Variants in CRY2 observed in about 807,000 individuals in gnomAD.
The protein encoded by CRY2 is cryptochrome circadian regulator 2.
CRY2 carries 31 observed loss-of-function variants against 69.5 expected under a neutral mutation model. The ratio of observed to expected loss-of-function variants is 0.45; its 90% CI spans 0.34 to 0.60. The LOEUF (loss-of-function observed/expected upper bound fraction) is 0.60. Among genes scored for constraint, CRY2 ranks in the 20% least tolerant of loss-of-function variants. CRY2 has a pLI of 0.02. For synonymous variants in CRY2, 303 were observed against 312.2 expected, an observed-to-expected ratio of 0.97 and a Z score of 0.31; for missense variants, 606 against 797.8, an observed-to-expected ratio of 0.76 and a Z score of 2.90.
intron 1 of CRY2, among the ~76,000 whole-genome samples, chr11:45,853,650 G>A (rs1384612163): frequency 1.3e-5 from 2 of 152,158 alleles, no homozygotes; most frequent in Non-Finnish European, 2.9e-5. Context: ...GGAGGACCCT[G>A]TGTCCTGGGG....
At position 45,847,710 on chromosome 11, in the gene CRY2, G is replaced by C; in HGVS notation, c.215+5G>C. 1 of 1,555,496 alleles carries C rather than the reference G, an allele frequency of 6.4e-7. No individual in the cohort carries two copies. The highest frequency in any genetic ancestry group is 8.7e-7 in the Non-Finnish European group (1 of 1,149,522). ...AGTCGGGATCAACCGATGGAGGTGAGGGGACCCGGGGCTGGGTGGCGGGGA... is the reference window on the plus strand; with the variant it reads ...AGTCGGGATCAACCGATGGAGGTGACGGGACCCGGGGCTGGGTGGCGGGGA... On this transcript the variant is annotated splice_donor_5th_base_variant and intron_variant, in intron 1 of 11. Coordinates refer to ENST00000616080, the MANE Select transcript of CRY2 (RefSeq NM_021117.5).
At chr11:45,850,012 T>G (rs1197657068) in intron 1 of CRY2, among the ~76,000 whole-genome samples, 1 of 151,516 alleles carries the variant, frequency 6.6e-6, no homozygotes, top group Non-Finnish European at 1.5e-5. Context: ...TTTTTTGTTT[T>G]TTTTTTTTTT....
rs1354019199 is a variant in CRY2, at chr11:45,847,558, C to G, written c.68C>G (p.Ser23Cys). The change falls in exon 1 of 12, where the codon TCT (serine) becomes TGT (cysteine). Residue 23 changes from serine (S) to cysteine (C), a missense_variant. This residue lies in a region of CRY2 where 45 missense variants were observed against 35.7 expected (regional missense o/e 1.26). Coordinates refer to ENST00000616080, the MANE Select transcript of CRY2 (RefSeq NM_021117.5). ...CCAGCGCCCGGCACGGACAGCGCCT[C>G]TTCGGTGCACTGGTTCCGCAAAGGG... ...PAPAPGTDSA[S>C]SVHWFRKGLR... is the part of the protein sequence containing the mutation. 3 of 1,595,376 alleles carry G rather than the reference C, an allele frequency of 1.9e-6. No individual in the cohort carries two copies. The African/African-American group carries it at 4.0e-5, about 21-fold the overall frequency.
At chr11:45,878,399 G>A (rs536547672) in intron 11 of CRY2, among the ~76,000 whole-genome samples, 28 of 152,310 alleles carry the variant, frequency 1.8e-4, no homozygotes, top group African/African-American at 6.7e-4. Flanking sequence ...ACCTTTTGTG[G>A]TATATCCTGC....
intron 1 of CRY2, among the ~76,000 whole-genome samples, chr11:45,852,476 G>A (rs2086205321): frequency 6.6e-6 from 1 of 152,214 alleles, no homozygotes. Flanking sequence ...TCACCTGGCA[G>A]GCCTCAAAGG....
At chr11:45,871,944 A>G in intron 10 of CRY2, 148 bp from the exon 11 acceptor site, 1 of 1,154,060 alleles carries the variant, frequency 8.7e-7, no homozygotes, top group Non-Finnish European at 1.2e-6. Flanking sequence ...TGCTGAAAGC[A>G]AGGCCGAGGG....
Position 45,870,548 on chromosome 11 carries a change from C to T in CRY2, c.1549+16C>T, listed in dbSNP as rs376885657. Reference sequence around the variant, plus strand: ...CGGGGACTCTGTAAGGAGACAAACACCTAGCTCACTGAAGGGAAGGACAGC... The same window carrying T: ...CGGGGACTCTGTAAGGAGACAAACATCTAGCTCACTGAAGGGAAGGACAGC... On this transcript the variant is annotated intron_variant, in intron 9 of 11. Transcript: ENST00000616080. 6 of 1,612,736 alleles carry T rather than the reference C, an allele frequency of 3.7e-6. No individual in the cohort carries two copies. In the African/African-American group the frequency reaches 8.0e-5, roughly 22 times the overall value.
rs535808819 is a variant in CRY2 at position 45,882,630 on chromosome 11, G to A, written c.*1719G>A. ...AATGTCCCATCATCGTGGGAGGGGA[G>A]CAGGGCACAGGGGATGGTGTGCATT... On this transcript the variant is annotated 3_prime_UTR_variant, in exon 12 of 12. Transcript: ENST00000616080. 215 of 399,142 alleles carry A rather than the reference G, an allele frequency of 5.4e-4. 2 individuals are homozygous for A. The highest frequency in any genetic ancestry group is 5.1e-3 in the South Asian group (40 of 7,864). 24.7% of individuals were successfully genotyped at this position (399,142 alleles called of 1,614,324 possible). A position where few individuals can be genotyped will look rare whatever the true frequency, so the allele number is the denominator to read the frequency against.
At position 45,866,418 on chromosome 11, in the gene CRY2, A is replaced by T. The variant is rs558539837; in HGVS notation, c.742-1194A>T. The stretch of plus-strand genomic sequence containing the variant: ...GAGGTGGAGCTGATGAAAGACCAAG[A>T]GCGCCAGGCAGCTGGGAGATACCAG... On this transcript the variant is annotated intron_variant, in intron 5 of 11. Transcript: ENST00000616080. Among the ~76,000 whole-genome samples, 5 of 152,314 alleles carry T rather than the reference A, an allele frequency of 3.3e-5. No individual in the cohort carries two copies. In the South Asian group the frequency reaches 1.0e-3, roughly 32 times the overall value.
intron 1 of CRY2, among the ~76,000 whole-genome samples, chr11:45,854,459 G>A (rs529553605): frequency 1.2e-4 from 18 of 152,264 alleles, no homozygotes; most frequent in East Asian, 3.9e-4. Context: ...TGAGGAGGGC[G>A]GATCACTTGA....
chr11:45,858,957 C>A, intron 3 of CRY2, 84 bp downstream of exon 3: 2 of 1,529,740 alleles, frequency 1.3e-6, no homozygotes, highest in Non-Finnish European at 1.8e-6. Flanking sequence ...CAGAGAGGTT[C>A]AGCATTAGGG....
rs758496760 is a variant in CRY2 at position 45,858,454 on chromosome 11, C to T, written c.325-277C>T. Reference sequence around the variant, plus strand: ...TATTTATGGCCTCCTGCTGCATTCTCCTACCTCAAGGACACAGCAAGTGCA... The same window carrying T: ...TATTTATGGCCTCCTGCTGCATTCTTCTACCTCAAGGACACAGCAAGTGCA... On this transcript the variant is annotated intron_variant, in intron 2 of 11. Coordinates refer to ENST00000616080, the MANE Select transcript of CRY2 (RefSeq NM_021117.5). The T allele has an allele frequency of 3.0e-5, 11 of 367,176 alleles. No homozygotes were observed. The Admixed American group carries it at 3.5e-4, about 12-fold the overall frequency. 22.7% of individuals were successfully genotyped at this position (367,176 alleles called of 1,614,324 possible).
At chr11:45,851,346 T>C (rs938706759) in intron 1 of CRY2, among the ~76,000 whole-genome samples, 2 of 152,226 alleles carry the variant, frequency 1.3e-5, no homozygotes, top group African/African-American at 4.8e-5. Context: ...ATATGTTCCC[T>C]CTCAGCCCAT....
chr11:45,867,560 T>A (rs542347501), intron 5 of CRY2, 52 bp from the exon 6 acceptor site: 1 of 1,606,642 alleles, frequency 6.2e-7, no homozygotes, highest in South Asian at 1.1e-5. Context: ...CTCCATTTTT[T>A]CCTCTGTTAC....
rs2086358468 is a variant in CRY2 at position 45,869,568 on chromosome 11, CT to C, written c.946del (p.Tyr316ThrfsTer48). ...GGCAACTCCTATGGCGAGAGTTCTT[CT>C]ACACGGCAGCTACCAACAACCCCAG... is the stretch of plus-strand genomic sequence containing the variant. ...FGQLLWREFF[Y>X]TAATNNPRFD... On this transcript the variant is annotated frameshift_variant, in exon 7 of 12. Coordinates refer to ENST00000616080, the MANE Select transcript of CRY2 (RefSeq NM_021117.5). LOFTEE classifies it high-confidence loss of function. 1 of 1,614,118 alleles carries C rather than the reference CT, an allele frequency of 6.2e-7. No homozygotes were observed. Among genetic ancestry groups the C allele is most frequent in the Non-Finnish European group, 8.5e-7 (1 of 1,180,048 alleles).
At chr11:45,854,837 A>G (rs931118692) in intron 1 of CRY2, among the ~76,000 whole-genome samples, 2 of 152,250 alleles carry the variant, frequency 1.3e-5, no homozygotes, top group Non-Finnish European at 2.9e-5. Context: ...CAGTTTCCTC[A>G]TCTATAAAAT....
intron 6 of CRY2, among the ~76,000 whole-genome samples, chr11:45,868,909 C>G (rs2086352753): frequency 6.6e-6 from 1 of 152,200 alleles, no homozygotes; most frequent in African/African-American, 2.4e-5. Context: ...GTGACAGATG[C>G]TAGCCACCAC....
At chr11:45,870,996 C>A in intron 10 of CRY2, 62 bp downstream of exon 10, 3 of 1,404,178 alleles carry the variant, frequency 2.1e-6, no homozygotes, top group Admixed American at 1.8e-5. Context: ...TTCAGTCATT[C>A]AGGACTGAGG....
chr11:45,848,665 C>T (rs2134624689), intron 1 of CRY2, among the ~76,000 whole-genome samples: 1 of 152,188 alleles, frequency 6.6e-6, no homozygotes, highest in East Asian at 1.9e-4. Flanking sequence ...ACATAATGTA[C>T]CCATCGCTCT....
Sources: gnomAD v4.1 joint callset for allele counts (sites outside exome capture counted in the v4.1 genomes callset) on GRCh38, gnomAD v4.1.1 for gene constraint, gnomAD v4.1.1 regional missense constraint, MANE v1.5 for transcripts, NCBI Gene and HGNC (gene_info 2026-07-23, HGNC 2026-07-21) for gene names.